PDE11A: variants seen among roughly 807,000 people sequenced by gnomAD.
PDE11A encodes dual 3',5'-cyclic-AMP and -GMP phosphodiesterase 11A.
In PDE11A, 100 loss-of-function variants were observed where a neutral mutation model predicts 100.5. That is an observed-to-expected ratio of 1.00 (90% CI 0.85 to 1.18). The LOEUF (loss-of-function observed/expected upper bound fraction) is 1.18, where lower values mean the gene tolerates loss of function less well. Among genes scored for constraint, PDE11A ranks in the 50% most tolerant of loss-of-function variants. The probability of loss-of-function intolerance (pLI) is 0.00; values close to 1 mark genes in which losing one functional copy is unlikely to be tolerated. For missense variants in PDE11A, 1,141 were observed against 1,152.6 expected, an observed-to-expected ratio of 0.99 and a Z score of 0.15; for synonymous variants, 381 against 420.8, an observed-to-expected ratio of 0.91 and a Z score of 1.16.
At chr2:177,982,763 A>G (rs1316233902) in intron 2 of PDE11A, among the ~76,000 whole-genome samples, 1 of 150,842 alleles carries the variant, frequency 6.6e-6, no homozygotes, top group East Asian at 1.9e-4. Context: ...ATTCAAATGT[A>G]CACCAGCCTC....
At chr2:177,928,849 A>C (rs1343036944) in intron 2 of PDE11A, among the ~76,000 whole-genome samples, 1 of 151,754 alleles carries the variant, frequency 6.6e-6, no homozygotes, top group Non-Finnish European at 1.5e-5. Context: ...GGTTACAGAG[A>C]AAGACCCTGT....
rs911776014 is a variant in PDE11A at position 177,730,733 on chromosome 2, A to T, written c.1789-2561T>A. The stretch of plus-strand genomic sequence containing the variant: ...TTTCTCTTACCTGCCTGAGGATGTG[A>T]ATGACAATTCTATTTGTCATTTTCT... On this transcript the variant is annotated intron_variant, in intron 10 of 19. Transcript: ENST00000286063. Among the ~76,000 whole-genome samples the T allele has an allele frequency of 6.6e-5, 10 of 152,156 alleles. 1 individual carries two copies. The highest frequency in any genetic ancestry group is 6.5e-4 in the Admixed American group (10 of 15,286).
At chr2:177,659,877 T>C (rs1489059080) in intron 19 of PDE11A, among the ~76,000 whole-genome samples, 2 of 152,134 alleles carry the variant, frequency 1.3e-5, no homozygotes, top group African/African-American at 4.8e-5. Flanking sequence ...CAGATGTCAA[T>C]GTATTCCTTC....
intron 10 of PDE11A, among the ~76,000 whole-genome samples, chr2:177,744,630 A>C (rs1410876337): frequency 6.6e-6 from 1 of 152,130 alleles, no homozygotes; most frequent in Non-Finnish European, 1.5e-5. Context: ...GGCTGTGATG[A>C]ATGGTATTAT....
intron 10 of PDE11A, 53 bp downstream of exon 10, chr2:177,769,270 G>C (rs1177909883): frequency 2.0e-6 from 2 of 1,004,872 alleles, no homozygotes; most frequent in East Asian, 4.7e-5. Flanking sequence ...AGCTCAGGAG[G>C]CCAGGAGAAG....
intron 2 of PDE11A, among the ~76,000 whole-genome samples, chr2:177,958,317 G>A (rs1056254821): frequency 6.6e-6 from 1 of 152,186 alleles, no homozygotes; most frequent in Admixed American, 6.5e-5. Context: ...AAATGTTTGT[G>A]AGCAGCACAA....
intron 2 of PDE11A, among the ~76,000 whole-genome samples, chr2:177,922,460 A>G (rs1177776988): frequency 6.6e-6 from 1 of 152,132 alleles, no homozygotes; most frequent in Non-Finnish European, 1.5e-5. Flanking sequence ...AAAAAAGAAT[A>G]TATAACAACA....
chr2:178,088,776 C>T (rs1179598275), intron 2 of PDE11A, among the ~76,000 whole-genome samples: 1 of 152,138 alleles, frequency 6.6e-6, no homozygotes, highest in African/African-American at 2.4e-5. Context: ...TTCCTGTTAA[C>T]GGTACTACAA....
chr2:177,840,114 A>T (rs779498368), intron 6 of PDE11A, 137 bp downstream of exon 6: 1 of 853,786 alleles, frequency 1.2e-6, no homozygotes, highest in Non-Finnish European at 1.9e-6. Context: ...TAGAGTCAAC[A>T]GTAGGCAATG....
intron 9 of PDE11A, among the ~76,000 whole-genome samples, chr2:177,770,847 A>G (rs766294692): frequency 6.6e-6 from 1 of 152,158 alleles, no homozygotes; most frequent in Non-Finnish European, 1.5e-5. Flanking sequence ...TTTGTTTTTG[A>G]GACAGGTCTC....
At chr2:177,659,292 A>C in intron 19 of PDE11A, among the ~76,000 whole-genome samples, 1 of 148,406 alleles carries the variant, frequency 6.7e-6, no homozygotes. Flanking sequence ...AAAAAAAGTG[A>C]AGGCAGAGAA....
chr2:177,630,849 A>C (rs2079908084), intron 19 of PDE11A, among the ~76,000 whole-genome samples: 1 of 152,152 alleles, frequency 6.6e-6, no homozygotes, highest in African/African-American at 2.4e-5. Flanking sequence ...GAGCCTTTTA[A>C]TTTTCTGGAC....
intron 9 of PDE11A, among the ~76,000 whole-genome samples, chr2:177,802,508 G>A (rs1019558596): frequency 1.3e-5 from 2 of 152,004 alleles, no homozygotes; most frequent in Non-Finnish European, 2.9e-5. Context: ...ATAATAAAAT[G>A]TTACTTAGCA....
At chr2:177,980,534 G>C (rs1244001780) in intron 2 of PDE11A, among the ~76,000 whole-genome samples, 1 of 150,704 alleles carries the variant, frequency 6.6e-6, no homozygotes, top group Non-Finnish European at 1.5e-5. Context: ...ACAATTTTGG[G>C]TTCTAAGTTT....
Position 177,626,174 on chromosome 2 carries a change from G to A in PDE11A, c.*3233C>T, listed in dbSNP as rs938701997. The A allele has an allele frequency of 6.6e-6, 1 of 152,554 alleles. No individual in the cohort carries two copies. The highest frequency in any genetic ancestry group is 2.4e-5 in the African/African-American group (1 of 41,402). 9.5% of individuals were successfully genotyped at this position (152,554 alleles called of 1,614,324 possible). A position where few individuals can be genotyped will look rare whatever the true frequency, so the allele number is the denominator to read the frequency against. ...ACTCAACCTTAGTGGAAGCTTGTAGGGTTTATGCTATAAATTATGTTCCCC... is the reference window on the plus strand; with the variant it reads ...ACTCAACCTTAGTGGAAGCTTGTAGAGTTTATGCTATAAATTATGTTCCCC... On this transcript the variant is annotated 3_prime_UTR_variant, in exon 20 of 20. Coordinates refer to ENST00000286063, the MANE Select transcript of PDE11A (RefSeq NM_016953.4).
intron 4 of PDE11A, among the ~76,000 whole-genome samples, chr2:177,883,222 T>G (rs2084374596): frequency 6.7e-6 from 1 of 150,040 alleles, no homozygotes; most frequent in African/African-American, 2.5e-5. Flanking sequence ...TGAGCCGAGA[T>G]GCACCACTGC....
At chr2:178,053,424 A>G (rs1336700909) in intron 1 of PDE11A, among the ~76,000 whole-genome samples, 1 of 152,196 alleles carries the variant, frequency 6.6e-6, no homozygotes, top group East Asian at 1.9e-4. Flanking sequence ...ATGGGCAAAA[A>G]CTGGAAGCAT....
At position 177,623,665 on chromosome 2, in the gene PDE11A, A is replaced by T. The variant is rs2079793704; in HGVS notation, c.*5742T>A. On this transcript the variant is annotated 3_prime_UTR_variant, in exon 20 of 20. Coordinates refer to ENST00000286063, the MANE Select transcript of PDE11A (RefSeq NM_016953.4). ...GAGATTCGAATACACACGCATATAC[A>T]CACAGAAAATGAACACAGATATAAA... The T allele has an allele frequency of 6.6e-6, 1 of 152,226 alleles. No homozygotes were observed. Among genetic ancestry groups the T allele is most frequent in the East Asian group, 1.9e-4 (1 of 5,202 alleles). The allele number at this position is 152,226 out of a possible 1,614,324, so 9.4% of individuals were successfully genotyped here.
intron 19 of PDE11A, among the ~76,000 whole-genome samples, chr2:177,631,944 C>T (rs1482536939): frequency 1.3e-5 from 2 of 152,072 alleles, no homozygotes; most frequent in Non-Finnish European, 2.9e-5. Flanking sequence ...ATGTCCCCCA[C>T]ATGTTAGGAT....
Sources: allele counts gnomAD v4.1 joint callset (sites outside exome capture counted in the v4.1 genomes callset), GRCh38; gene constraint gnomAD v4.1.1; transcripts MANE v1.5; gene names NCBI Gene and HGNC (gene_info 2026-07-23, HGNC 2026-07-21).